The following SLC4A1 variants were observed in gnomAD, a reference collection of about 807,000 sequenced individuals.
SLC4A1 encodes solute carrier family 4 member 1 (Diego blood group), also known as band 3 anion transport protein.
A neutral mutation model predicts 93.1 loss-of-function variants in SLC4A1; 29 were observed. The observed-to-expected ratio is 0.31, with a 90% CI of 0.23 to 0.42. The LOEUF (loss-of-function observed/expected upper bound fraction) is 0.42, where lower values mean the gene tolerates loss of function less well. Ranked by LOEUF, SLC4A1 falls within the 20% of genes least tolerant of loss-of-function variation. The pLI is 1.00. For synonymous variants in SLC4A1, 469 were observed against 497.2 expected (o/e 0.94, Z 0.76); for missense variants, 965 against 1,190.1 (o/e 0.81, Z 2.78).
rs45577336 is a variant in SLC4A1 at position 44,267,242 on chromosome 17, C to A, written c.-69+812G>T. ...ATCACGGACTCTGCAGTCGGACTGCCTGGATTCAAAGCCCAGCCCTGCCAT... is the reference window on the plus strand; with the variant it reads ...ATCACGGACTCTGCAGTCGGACTGCATGGATTCAAAGCCCAGCCCTGCCAT... On this transcript the variant is annotated intron_variant, in intron 1 of 19. Transcript: ENST00000262418. Among the ~76,000 whole-genome samples the A allele has an allele frequency of 2.5e-3, 383 of 152,268 alleles. 4 individuals are homozygous for A. The highest frequency in any genetic ancestry group is 8.4e-3 in the African/African-American group (351 of 41,542).
chr17:44,251,720 C>CTTTTCTTTTTTTTTT (rs1555594857), intron 17 of SLC4A1, 132 bp from the exon 18 acceptor site: 1 of 359,772 alleles, frequency 2.8e-6, no homozygotes, highest in African/African-American at 3.1e-5. Context: ...CTTTTCTTTT[C>CTTTTCTTTTTTTTTT]TTTTTTTTTT....
intron 16 of SLC4A1, 40 bp from the exon 17 acceptor site, chr17:44,253,411 C>G (rs758298651): frequency 1.3e-6 from 2 of 1,588,608 alleles, no homozygotes; most frequent in African/African-American, 1.3e-5. Context: ...GGGTTCTCCC[C>G]TGCCTCCTCC....
intron 17 of SLC4A1, among the ~76,000 whole-genome samples, chr17:44,252,797 A>C (rs531993530): frequency 2.2e-4 from 34 of 152,312 alleles, no homozygotes; most frequent in Middle Eastern, 3.4e-3. Context: ...AGAGACAAGG[A>C]GGGATACTGG....
intron 7 of SLC4A1, 62 bp downstream of exon 7, chr17:44,259,747 G>A (rs909233478): frequency 1.1e-5 from 17 of 1,611,818 alleles, no homozygotes; most frequent in African/African-American, 2.7e-5. Flanking sequence ...CCCTGCTGGC[G>A]TTTGAGAAAG....
In SLC4A1 at chr17:44,262,723, C is replaced by A; in HGVS notation, c.19G>T (p.Asp7Tyr). The A allele has an allele frequency of 6.2e-7, 1 of 1,614,116 alleles. No homozygotes were observed. Among genetic ancestry groups the A allele is most frequent in the Non-Finnish European group, 8.5e-7 (1 of 1,179,940 alleles). ...TTCTCCTCCATCATGTCTTCATAAT[C>A]ATCCTGTGGGAAGTGGCCGCTGAGG... MEELQDDYEDMMEENLE... is the reference protein window; with the variant it reads MEELQDYYEDMMEENLE... Residue 7 changes from aspartate to tyrosine, a missense_variant, in exon 3 of 20, where the codon GAT (aspartate) becomes TAT (tyrosine). Physicochemically the swap from Asp to Tyr is radical, Grantham distance 160. Coordinates refer to ENST00000262418, the MANE Select transcript of SLC4A1 (RefSeq NM_000342.4).
intron 14 of SLC4A1, 82 bp from the exon 15 acceptor site, chr17:44,255,378 G>A (rs1173123221): frequency 4.8e-6 from 5 of 1,052,372 alleles, no homozygotes; most frequent in East Asian, 5.2e-5. Context: ...ATTCACCCAC[G>A]GGGCCCTGCT....
intron 1 of SLC4A1, 36 bp downstream of exon 1, chr17:44,268,018 G>A (rs1182404947): frequency 7.3e-6 from 7 of 964,472 alleles, no homozygotes; most frequent in Admixed American, 1.2e-4. Flanking sequence ...GGCAGGCACC[G>A]AAGGACCATC....
rs45581932 is a variant in SLC4A1, at chr17:44,256,958, G to T, written c.1626+392C>A. 5.0e-3 allele frequency among the ~76,000 whole-genome samples: 755 copies of T among 151,690 alleles called. 9 individuals carry two copies. Among genetic ancestry groups the T allele is most frequent in the African/African-American group, 0.017 (705 of 41,344 alleles). On this transcript the variant is annotated intron_variant, in intron 13 of 19. Coordinates refer to ENST00000262418, the MANE Select transcript of SLC4A1 (RefSeq NM_000342.4). ...GTGAAAGCAAAGACACACAAATGCT[G>T]CACAGACACATGTGCGAGGACACAA...
At chr17:44,252,899 G>A (rs1342577364) in intron 17 of SLC4A1, among the ~76,000 whole-genome samples, 5 of 152,198 alleles carry the variant, frequency 3.3e-5, no homozygotes, top group Non-Finnish European at 7.3e-5. Context: ...AGGCCTCGGA[G>A]TGGAGCCCCC....
chr17:44,254,753 G>T, intron 15 of SLC4A1, 91 bp from the exon 16 acceptor site: 1 of 1,251,822 alleles, frequency 8.0e-7, no homozygotes, highest in Non-Finnish European at 1.1e-6. Context: ...GGGTCGGGCA[G>T]TTAGGTTGGA....
chr17:44,254,409 C>T, intron 16 of SLC4A1, 87 bp downstream of exon 16: 1 of 1,329,086 alleles, frequency 7.5e-7, no homozygotes, highest in South Asian at 1.2e-5. Flanking sequence ...AGCTTGCAGT[C>T]CTGGGTCTCT....
chr17:44,260,858 A>AGG, intron 4 of SLC4A1, 43 bp from the exon 5 acceptor site: 2 of 1,600,712 alleles, frequency 1.2e-6, no homozygotes, highest in South Asian at 2.2e-5. Context: ...GGCATAGTCC[A>AGG]GGGCATAGTG....
At chr17:44,256,938 A>G (rs1345558246) in intron 13 of SLC4A1, among the ~76,000 whole-genome samples, 1 of 152,170 alleles carries the variant, frequency 6.6e-6, no homozygotes, top group Non-Finnish European at 1.5e-5. Flanking sequence ...CACAGGTGAA[A>G]GCAAAGACAC....
intron 13 of SLC4A1, among the ~76,000 whole-genome samples, chr17:44,256,777 C>T (rs2521604): frequency 6.6e-6 from 1 of 152,358 alleles, no homozygotes; most frequent in South Asian, 2.1e-4. Flanking sequence ...AGAGTGCTGG[C>T]CACAGGCAGC....
intron 17 of SLC4A1, 151 bp downstream of exon 17, chr17:44,252,967 G>A (rs2047355659): frequency 1.0e-5 from 9 of 889,538 alleles, no homozygotes; most frequent in South Asian, 9.9e-5. Flanking sequence ...GGATCCCCTC[G>A]TGTGAGTAGG....
chr17:44,254,591 G>A lies in SLC4A1; in HGVS notation c.1962C>T (p.Gly654=). 1.2e-6 allele frequency: 2 copies of A among 1,614,170 alleles called. No homozygotes were observed. Among genetic ancestry groups the A allele is most frequent in the Non-Finnish European group, 1.7e-6 (2 of 1,179,998 alleles). Residue 654 remains glycine (G), a synonymous_variant, in exon 16 of 20, where the codon GGC becomes GGT. Transcript: ENST00000262418. ...TCCAGATGGGAAACTCGGAACGCAAGCCCAGTGGGTGGATGACCCAGCCCC... is the reference window on the plus strand; with the variant it reads ...TCCAGATGGGAAACTCGGAACGCAAACCCAGTGGGTGGATGACCCAGCCCC... ...SARGWVIHPL[G]LRSEFPIWMM...
chr17:44,249,076 G>A lies in SLC4A1; in HGVS notation c.*1382C>T. The stretch of plus-strand genomic sequence containing the variant: ...GGGGTTTCACCATGTTGGCCAGGCT[G>A]GTCTCAAACTCCTGACCTCAAATGA... On this transcript the variant is annotated 3_prime_UTR_variant, in exon 20 of 20. Coordinates refer to ENST00000262418, the MANE Select transcript of SLC4A1 (RefSeq NM_000342.4). 5.0e-6 allele frequency: 2 copies of A among 402,704 alleles called. No homozygotes were observed. Among genetic ancestry groups the A allele is most frequent in the South Asian group, 1.8e-5 (1 of 56,576 alleles). The allele number at this position is 402,704 out of a possible 1,614,324, so 24.9% of individuals were successfully genotyped here.
At chr17:44,263,711 T>TTCCC (rs756189054) in intron 1 of SLC4A1, among the ~76,000 whole-genome samples, 412 of 8,606 alleles carry the variant, frequency 0.048, 1 homozygote, top group Non-Finnish European at 0.17. Flanking sequence ...CCTTCCCTCC[T>TTCCC]TCCTTCCTTC....
At chr17:44,251,625 C>A in intron 17 of SLC4A1, 37 bp from the exon 18 acceptor site, 1 of 1,611,294 alleles carries the variant, frequency 6.2e-7, no homozygotes, top group Admixed American at 1.7e-5. Flanking sequence ...CCAGGTTGCC[C>A]GAGGCCTGGC....
Sources: gnomAD v4.1 joint callset for allele counts (sites outside exome capture counted in the v4.1 genomes callset) on GRCh38, gnomAD v4.1.1 for gene constraint, MANE v1.5 for transcripts, NCBI Gene and HGNC (gene_info 2026-07-23, HGNC 2026-07-21) for gene names.